ADGRB3: variants seen among roughly 807,000 people sequenced by gnomAD.
ADGRB3 encodes adhesion G protein-coupled receptor B3.
ADGRB3 carries 37 observed loss-of-function variants against 193.4 expected under a neutral mutation model. That is an observed-to-expected ratio of 0.19 (90% CI 0.15 to 0.25). ADGRB3 has a LOEUF of 0.25. ADGRB3 is among the 10% of genes least tolerant of loss of function. The pLI, the probability that ADGRB3 is intolerant of heterozygous loss-of-function variation, is 1.00. For missense variants in ADGRB3, 1,637 were observed against 1,852.9 expected (o/e 0.88, Z 2.14); for synonymous variants, 690 against 644.2 (o/e 1.07, Z -1.08).
chr6:69,322,934 T>C (rs1472092410), intron 20 of ADGRB3, among the ~76,000 whole-genome samples: 1 of 152,032 alleles, frequency 6.6e-6, no homozygotes, highest in Admixed American at 6.6e-5. Flanking sequence ...ACCATATTAT[T>C]GTACGAAGAG....
chr6:68,662,090 G>C (rs1238107697), intron 3 of ADGRB3, among the ~76,000 whole-genome samples: 1 of 151,412 alleles, frequency 6.6e-6, no homozygotes, highest in African/African-American at 2.4e-5. Context: ...GCCAAGTATG[G>C]TGCAGAAATG....
At chr6:69,151,458 G>A (rs1342113484) in intron 17 of ADGRB3, among the ~76,000 whole-genome samples, 2 of 152,170 alleles carry the variant, frequency 1.3e-5, no homozygotes, top group African/African-American at 2.4e-5. Flanking sequence ...CCACATGGTT[G>A]CTGCTGGAGA....
chr6:68,991,692 C>T (rs1264798238), intron 10 of ADGRB3, among the ~76,000 whole-genome samples: 1 of 152,066 alleles, frequency 6.6e-6, no homozygotes, highest in African/African-American at 2.4e-5. Flanking sequence ...AAGAACTCCG[C>T]AGAAACTAGA....
chr6:69,201,174 C>G (rs1448186055), intron 17 of ADGRB3, among the ~76,000 whole-genome samples: 1 of 152,000 alleles, frequency 6.6e-6, no homozygotes, highest in African/African-American at 2.4e-5. Context: ...TGATTATTTC[C>G]CTTTATCTTA....
intron 11 of ADGRB3, among the ~76,000 whole-genome samples, chr6:68,997,681 A>G (rs145080242): frequency 7.3e-5 from 9 of 123,568 alleles, no homozygotes; most frequent in Admixed American, 1.6e-4. Context: ...ATAAATAAAT[A>G]AATAAAATTA....
intron 17 of ADGRB3, among the ~76,000 whole-genome samples, chr6:69,123,283 A>G (rs1422061779): frequency 6.6e-6 from 1 of 152,216 alleles, no homozygotes; most frequent in Non-Finnish European, 1.5e-5. Flanking sequence ...AGTTAGAAAC[A>G]GTAAAATAGA....
At chr6:68,745,390 G>A (rs1766064072) in intron 3 of ADGRB3, among the ~76,000 whole-genome samples, 1 of 152,134 alleles carries the variant, frequency 6.6e-6, no homozygotes, top group African/African-American at 2.4e-5. Context: ...ATCCAAAGTA[G>A]TCAAATTTAT....
chr6:69,024,499 C>T (rs1055396774), intron 13 of ADGRB3, among the ~76,000 whole-genome samples: 5 of 152,176 alleles, frequency 3.3e-5, no homozygotes, highest in African/African-American at 9.7e-5. Context: ...AATGTTGCTA[C>T]ACCCACTTAC....
intron 11 of ADGRB3, among the ~76,000 whole-genome samples, chr6:68,998,693 T>G (rs1349040042): frequency 6.6e-6 from 1 of 152,138 alleles, no homozygotes; most frequent in African/African-American, 2.4e-5. Context: ...AAAACTGAAA[T>G]AGATCAGTAA....
intron 20 of ADGRB3, among the ~76,000 whole-genome samples, chr6:69,320,969 A>G (rs563873394): frequency 6.6e-5 from 10 of 151,656 alleles, no homozygotes; most frequent in Non-Finnish European, 1.5e-4. Context: ...CCTTCTGGAA[A>G]TACTTTTAAA....
At chr6:69,330,051 C>G (rs1768680862) in intron 22 of ADGRB3, among the ~76,000 whole-genome samples, 1 of 152,116 alleles carries the variant, frequency 6.6e-6, no homozygotes, top group African/African-American at 2.4e-5. Flanking sequence ...AAACCAATTT[C>G]TCCCAATATT....
chr6:69,060,354 G>A (rs1771713017), intron 15 of ADGRB3, among the ~76,000 whole-genome samples: 1 of 151,740 alleles, frequency 6.6e-6, no homozygotes, highest in African/African-American at 2.4e-5. Flanking sequence ...ACCTAACACA[G>A]TGTAATATAC....
At chr6:69,349,938 G>T (rs1009553062) in intron 26 of ADGRB3, among the ~76,000 whole-genome samples, 4 of 152,098 alleles carry the variant, frequency 2.6e-5, no homozygotes. Context: ...GCCAAACATC[G>T]CTCGGTGCTC....
intron 5 of ADGRB3, among the ~76,000 whole-genome samples, chr6:68,940,126 A>G (rs1767594413): frequency 2.0e-5 from 3 of 152,190 alleles, no homozygotes; most frequent in Admixed American, 2.0e-4. Context: ...TTTTGCTTTG[A>G]CATTGTACTC....
chr6:69,092,626 A>C (rs1275074170), intron 17 of ADGRB3, among the ~76,000 whole-genome samples: 1 of 152,222 alleles, frequency 6.6e-6, no homozygotes, highest in Non-Finnish European at 1.5e-5. Flanking sequence ...ATAAACACAG[A>C]TCCTTCCCTT....
chr6:68,894,019 A>G (rs1292036849), intron 3 of ADGRB3, among the ~76,000 whole-genome samples: 4 of 151,992 alleles, frequency 2.6e-5, no homozygotes, highest in African/African-American at 9.7e-5. Context: ...TTTTAATAAT[A>G]TAAAGTTAAT....
intron 3 of ADGRB3, among the ~76,000 whole-genome samples, chr6:68,825,052 G>A (rs971583470): frequency 3.9e-5 from 6 of 152,012 alleles, no homozygotes; most frequent in African/African-American, 1.4e-4. Context: ...TAGAGACGGG[G>A]TTTCACCATG....
chr6:68,858,365 G>A (rs544779835), intron 3 of ADGRB3, among the ~76,000 whole-genome samples: 3 of 151,998 alleles, frequency 2.0e-5, no homozygotes, highest in South Asian at 4.2e-4. Context: ...TTAGCCAGGT[G>A]TGGTGGTGTG....
intron 3 of ADGRB3, among the ~76,000 whole-genome samples, chr6:68,778,329 C>A (rs1325385764): frequency 6.6e-6 from 1 of 152,080 alleles, no homozygotes; most frequent in African/African-American, 2.4e-5. Flanking sequence ...TTTAAAATCT[C>A]TTTATATCAA....
Sources: gnomAD v4.1 joint callset for allele counts (sites outside exome capture counted in the v4.1 genomes callset) on GRCh38, gnomAD v4.1.1 for gene constraint, MANE v1.5 for transcripts, NCBI Gene and HGNC (gene_info 2026-07-23, HGNC 2026-07-21) for gene names.